TTLL9: variants seen among roughly 807,000 people sequenced by gnomAD.
TTLL9 encodes tubulin tyrosine ligase like 9, also known as probable tubulin polyglutamylase TTLL9.
A neutral mutation model predicts 65.6 loss-of-function variants in TTLL9; 47 were observed. That is an observed-to-expected ratio of 0.72 (90% confidence interval 0.57 to 0.91). The LOEUF (loss-of-function observed/expected upper bound fraction) is 0.91, where lower values mean the gene tolerates loss of function less well. Ranked by LOEUF, TTLL9 falls within the 40% of genes least tolerant of loss-of-function variation. The probability of loss-of-function intolerance (pLI) is 0.00; values close to 1 mark genes in which losing one functional copy is unlikely to be tolerated. For synonymous variants in TTLL9, 179 were observed against 204.8 expected, an observed-to-expected ratio of 0.87 and a Z score of 1.07; for missense variants, 537 against 568.8, an observed-to-expected ratio of 0.94 and a Z score of 0.57.
chr20:31,896,357 T>C (rs1409329072), intron 3 of TTLL9, among the ~76,000 whole-genome samples: 1 of 152,208 alleles, frequency 6.6e-6, no homozygotes, highest in Non-Finnish European at 1.5e-5. Context: ...CTAATTATAA[T>C]GTTAGCTCGA....
chr20:31,919,617 C>T (rs980643075), intron 6 of TTLL9, among the ~76,000 whole-genome samples: 1 of 152,162 alleles, frequency 6.6e-6, no homozygotes, highest in Non-Finnish European at 1.5e-5. Flanking sequence ...TGTTCTTTTG[C>T]ATTATTCATG....
chr20:31,920,842 C>A (rs1211910105), intron 7 of TTLL9: 2 of 152,622 alleles, frequency 1.3e-5, no homozygotes, highest in Admixed American at 1.3e-4. Flanking sequence ...CTAGTGCTGC[C>A]TGCCATTATT....
rs2063467282 is a variant in TTLL9 at position 31,900,814 on chromosome 20, G to A, written c.206+2249G>A. Among the ~76,000 whole-genome samples the A allele has an allele frequency of 2.0e-5, 3 of 152,256 alleles. No homozygotes were observed. The South Asian group carries it at 6.2e-4, about 32-fold the overall frequency. Reference sequence around the variant, plus strand: ...GGTGGTGTAGGGGAGAGAGAGCAATGTCCCCATCTGCTGTGTGACCTCTGT... The same window carrying A: ...GGTGGTGTAGGGGAGAGAGAGCAATATCCCCATCTGCTGTGTGACCTCTGT... On this transcript the variant is annotated intron_variant, in intron 4 of 14. Coordinates refer to ENST00000535842, the MANE Select transcript of TTLL9 (RefSeq NM_001008409.5).
At chr20:31,893,584 C>A (rs2063339179) in intron 3 of TTLL9, among the ~76,000 whole-genome samples, 1 of 152,118 alleles carries the variant, frequency 6.6e-6, no homozygotes, top group African/African-American at 2.4e-5. Flanking sequence ...AGCCACTGCG[C>A]CTAGCCAAAG....
intron 10 of TTLL9, among the ~76,000 whole-genome samples, chr20:31,930,800 A>G (rs2063995396): frequency 6.6e-6 from 1 of 151,786 alleles, no homozygotes; most frequent in South Asian, 2.1e-4. Flanking sequence ...ATTTATTTTG[A>G]TTGTATGTTT....
chr20:31,938,085 TCC>T (rs2064144856), intron 13 of TTLL9: 6 of 98,744 alleles, frequency 6.1e-5, no homozygotes, highest in Admixed American at 1.4e-4. Context: ...TCCCTCTCCC[TCC>T]CTCCCTCTCC....
At chr20:31,902,054 A>G (rs990078448) in intron 4 of TTLL9, among the ~76,000 whole-genome samples, 1 of 152,218 alleles carries the variant, frequency 6.6e-6, no homozygotes, top group Non-Finnish European at 1.5e-5. Context: ...AAAAATGTAT[A>G]TATATAGAAT....
At position 31,943,382 on chromosome 20, in the gene TTLL9, C is replaced by T; in HGVS notation, c.*361C>T. 1 of 345,768 alleles carries T rather than the reference C, an allele frequency of 2.9e-6. No homozygotes were observed. The highest frequency in any genetic ancestry group is 5.6e-6 in the Non-Finnish European group (1 of 179,422). 21.4% of individuals were successfully genotyped at this position (345,768 alleles called of 1,614,324 possible). On this transcript the variant is annotated 3_prime_UTR_variant, in exon 15 of 15. Coordinates refer to ENST00000535842, the MANE Select transcript of TTLL9 (RefSeq NM_001008409.5). ...TACTTGGAGTCACTGGGCACCAGGC[C>T]TGGTTCCGGGGATACTGTTGGCTGC...
At position 31,870,987 on chromosome 20, in the gene TTLL9, CAG is replaced by C. The variant is rs1239009011; in HGVS notation, c.-6+42_-6+43del. ...TTCCGATACATCCTCTCCACCCGTG[CAG>C]AGACACCCTACCAACCAGCCTTCCT... is the stretch of plus-strand genomic sequence containing the variant. On this transcript the variant is annotated intron_variant, in intron 1 of 14. Transcript: ENST00000535842. This position sits in a 1 kb window ranked among gnomAD's most constrained non-coding sequence, Gnocchi z 6.6. 7 of 806,842 alleles carry C rather than the reference CAG, an allele frequency of 8.7e-6. 1 individual carries two copies. The highest frequency in any genetic ancestry group is 5.9e-5 in the South Asian group (4 of 67,902). The allele number at this position is 806,842 out of a possible 1,614,324, so 50.0% of individuals were successfully genotyped here.
At chr20:31,901,981 A>G (rs1276857128) in intron 4 of TTLL9, among the ~76,000 whole-genome samples, 1 of 152,276 alleles carries the variant, frequency 6.6e-6, no homozygotes, top group African/African-American at 2.4e-5. Flanking sequence ...ACACAGAGAT[A>G]ACCTCAACAC....
chr20:31,905,420 C>T (rs1420257431), intron 4 of TTLL9, among the ~76,000 whole-genome samples: 5 of 152,138 alleles, frequency 3.3e-5, no homozygotes, highest in Non-Finnish European at 7.4e-5. Context: ...TTCTTGAAAC[C>T]GTTCTTCCGA....
chr20:31,941,401 G>A (rs1341459498), intron 14 of TTLL9, among the ~76,000 whole-genome samples: 3 of 152,082 alleles, frequency 2.0e-5, no homozygotes. Flanking sequence ...AAGATGGAAA[G>A]CGGCGGTTCT....
At chr20:31,927,504 A>AT (rs1241136040) in intron 10 of TTLL9, among the ~76,000 whole-genome samples, 2 of 150,688 alleles carry the variant, frequency 1.3e-5, no homozygotes, top group Non-Finnish European at 3.0e-5. Flanking sequence ...AAAAAAAAAA[A>AT]GAAACTGGAA....
chr20:31,892,301 T>G, intron 3 of TTLL9, among the ~76,000 whole-genome samples: 1 of 151,706 alleles, frequency 6.6e-6, no homozygotes, highest in East Asian at 1.9e-4. Flanking sequence ...TGCCTCAGCC[T>G]CCCAAGTAGC....
At chr20:31,922,915 G>C in intron 7 of TTLL9, 48 bp from the exon 8 acceptor site, 1 of 1,503,284 alleles carries the variant, frequency 6.7e-7, no homozygotes, top group Non-Finnish European at 9.2e-7. Flanking sequence ...TAGTACACAG[G>C]AAATGTTCCA....
chr20:31,942,858 C>T, intron 14 of TTLL9, 87 bp from the exon 15 acceptor site: 1 of 1,342,974 alleles, frequency 7.4e-7, no homozygotes, highest in Non-Finnish European at 1.1e-6. Context: ...CCCGCTGTCC[C>T]CTCTTCCCAG....
chr20:31,905,326 C>T (rs976520516), intron 4 of TTLL9, among the ~76,000 whole-genome samples: 3 of 151,972 alleles, frequency 2.0e-5, no homozygotes, highest in South Asian at 2.1e-4. Context: ...CCACACGCCT[C>T]GGCCTCCCAA....
At chr20:31,890,413 A>G (rs11699897) in intron 3 of TTLL9, among the ~76,000 whole-genome samples, 59,089 of 151,472 alleles carry the variant, frequency 0.39, 12,912 homozygotes, top group African/African-American at 0.57. Flanking sequence ...GTTTATCCAC[A>G]TTGGCACCTG....
In TTLL9 at chr20:31,919,791, G is replaced by A. The variant is rs377028882; in HGVS notation, c.505-73G>A. ...AAAAGAGACAGATATGCTGGGGAGA[G>A]CCCCCAGCCACGGGGGCCAACAAGG... On this transcript the variant is annotated intron_variant, in intron 6 of 14. Transcript: ENST00000535842. 4.8e-6 allele frequency: 6 copies of A among 1,250,794 alleles called. No individual in the cohort carries two copies. The African/African-American group carries it at 7.8e-5, about 16-fold the overall frequency. 77.5% of individuals were successfully genotyped at this position (1,250,794 alleles called of 1,614,324 possible). A position where few individuals can be genotyped will look rare whatever the true frequency, so the allele number is the denominator to read the frequency against.
Sources: gnomAD v4.1 joint callset for allele counts (sites outside exome capture counted in the v4.1 genomes callset) on GRCh38, gnomAD v4.1.1 for gene constraint, Gnocchi (gnomAD v3.1) non-coding constraint, MANE v1.5 for transcripts, NCBI Gene and HGNC (gene_info 2026-07-23, HGNC 2026-07-21) for gene names.